Variants in SAMMSON observed in about 807,000 individuals in gnomAD.
SAMMSON encodes survival associated mitochondrial melanoma specific oncogenic non-coding RNA.
intron 7 of SAMMSON, chr3:70,302,496 G>A (rs1006366875): frequency 6.6e-6 from 1 of 152,044 alleles, no homozygotes; most frequent in African/African-American, 2.4e-5. Context: ...TGTTGATTAA[G>A]TGTATCACAT....
intron 4 of SAMMSON, among the ~76,000 whole-genome samples, chr3:70,094,447 A>T (rs1231628654): frequency 1.3e-5 from 2 of 152,176 alleles, no homozygotes; most frequent in Non-Finnish European, 2.9e-5. Flanking sequence ...TAAGATAAAG[A>T]CAAAATTACT....
chr3:70,318,376 C>A (rs1177073307), intron 7 of SAMMSON, among the ~76,000 whole-genome samples: 1 of 151,930 alleles, frequency 6.6e-6, no homozygotes, highest in African/African-American at 2.4e-5. Context: ...GTCACTAACC[C>A]TTTCTTTTGC....
intron 4 of SAMMSON, chr3:70,204,571 C>G (rs1701272975): frequency 6.6e-6 from 1 of 152,090 alleles, no homozygotes; most frequent in African/African-American, 2.4e-5. Flanking sequence ...CAGCTTACAA[C>G]CTGAATTTCT....
downstream of SAMMSON, among the ~76,000 whole-genome samples, chr3:70,390,966 C>G (rs753856981): frequency 1.2e-4 from 19 of 152,072 alleles, no homozygotes; most frequent in Non-Finnish European, 2.4e-4. Flanking sequence ...ATTTTGTTGA[C>G]AAATTCATGT....
intron 1 of SAMMSON, among the ~76,000 whole-genome samples, chr3:70,004,075 T>C (rs530312637): frequency 6.6e-6 from 1 of 152,232 alleles, no homozygotes; most frequent in Non-Finnish European, 1.5e-5. Context: ...ATTTTTCATA[T>C]AACTGGGGTT....
At chr3:70,045,147 A>ATAT (rs1314199790) in intron 3 of SAMMSON, among the ~76,000 whole-genome samples, 1 of 131,204 alleles carries the variant, frequency 7.6e-6, no homozygotes, top group African/African-American at 2.8e-5. Flanking sequence ...TAATTTATAT[A>ATAT]TATTAATTAT....
intron 4 of SAMMSON, among the ~76,000 whole-genome samples, chr3:70,171,880 A>G (rs1183333597): frequency 2.0e-5 from 3 of 151,892 alleles, no homozygotes; most frequent in Non-Finnish European, 4.4e-5. Context: ...AGACTAGGAG[A>G]GGTATAGAAT....
intron 9 of SAMMSON, among the ~76,000 whole-genome samples, chr3:70,386,472 A>T (rs1268447693): frequency 6.6e-6 from 1 of 152,120 alleles, no homozygotes; most frequent in Non-Finnish European, 1.5e-5. Flanking sequence ...TTTAATGCAT[A>T]GAATATTTGA....
chr3:70,137,119 T>G (rs962533727), intron 4 of SAMMSON, among the ~76,000 whole-genome samples: 2 of 152,188 alleles, frequency 1.3e-5, no homozygotes, highest in African/African-American at 4.8e-5. Flanking sequence ...GATAAACAGT[T>G]TGGTGTGTAT....
intron 2 of SAMMSON, among the ~76,000 whole-genome samples, chr3:70,431,792 G>A (rs750845715): frequency 1.3e-5 from 2 of 151,850 alleles, no homozygotes; most frequent in Non-Finnish European, 2.9e-5. Flanking sequence ...CTATCACAAT[G>A]GATTAGTTAT....
At chr3:70,363,376 G>A (rs961890263) in intron 9 of SAMMSON, among the ~76,000 whole-genome samples, 1 of 151,936 alleles carries the variant, frequency 6.6e-6, no homozygotes, top group Non-Finnish European at 1.5e-5. Flanking sequence ...TGGAAGAAGA[G>A]AAAGTAAATT....
At chr3:70,042,382 C>T (rs913553418) in intron 3 of SAMMSON, among the ~76,000 whole-genome samples, 1 of 152,022 alleles carries the variant, frequency 6.6e-6, no homozygotes, top group Non-Finnish European at 1.5e-5. Context: ...TATTGTTTTT[C>T]CATGAATGGT....
chr3:70,154,329 CATCTT>C (rs1314536315), intron 4 of SAMMSON, among the ~76,000 whole-genome samples: 3 of 152,054 alleles, frequency 2.0e-5, no homozygotes, highest in Admixed American at 6.6e-5. Context: ...TTATCTTCCT[CATCTT>C]ATAAAGAGTA....
chr3:70,340,029 A>T (rs1048355295), intron 7 of SAMMSON, among the ~76,000 whole-genome samples: 2 of 152,118 alleles, frequency 1.3e-5, no homozygotes. Flanking sequence ...GATAGACTGG[A>T]TTAAGAAAAT....
At chr3:70,363,800 CTGTGTGTGTGTG>C (rs10542257) in intron 9 of SAMMSON, among the ~76,000 whole-genome samples, 1 of 146,742 alleles carries the variant, frequency 6.8e-6, no homozygotes. Flanking sequence ...ATTGCATTGT[CTGTGTGTGTGTG>C]TGTGTGTGTG....
intron 4 of SAMMSON, among the ~76,000 whole-genome samples, chr3:70,225,664 T>A (rs1325612845): frequency 6.6e-6 from 1 of 152,216 alleles, no homozygotes; most frequent in Non-Finnish European, 1.5e-5. Flanking sequence ...ACTGTTTCCC[T>A]TCTAGATCAA....
chr3:70,045,121 T>A (rs1324678173), intron 3 of SAMMSON, among the ~76,000 whole-genome samples: 14 of 87,160 alleles, frequency 1.6e-4, no homozygotes, highest in East Asian at 8.1e-4. Context: ...TTATATATAT[T>A]AATTATAATA....
At chr3:70,102,778 G>A (rs2067350989) in intron 4 of SAMMSON, among the ~76,000 whole-genome samples, 1 of 152,280 alleles carries the variant, frequency 6.6e-6, no homozygotes, top group South Asian at 2.1e-4. Flanking sequence ...GTCATCAGGA[G>A]AGAATGGACA....
chr3:70,357,440 A>G (rs1702837667), intron 8 of SAMMSON, among the ~76,000 whole-genome samples: 1 of 152,280 alleles, frequency 6.6e-6, no homozygotes, highest in African/African-American at 2.4e-5. Context: ...AAATATGTTA[A>G]TGATTTTCCC....
Sources: gnomAD v4.1 joint callset for allele counts (sites outside exome capture counted in the v4.1 genomes callset) on GRCh38, gnomAD v4.1.1 for gene constraint, MANE v1.5 for transcripts, NCBI Gene and HGNC (gene_info 2026-07-23, HGNC 2026-07-21) for gene names.